ATP6V1E2: variants seen among roughly 807,000 people sequenced by gnomAD.
ATP6V1E2 encodes the protein V-type proton ATPase subunit E 2.
For missense variants in ATP6V1E2, 308 were observed against 273.3 expected (o/e 1.13, Z -0.90); for synonymous variants, 121 against 104.2 (o/e 1.16, Z -0.98).
rs1687479763 is a variant in ATP6V1E2 at position 46,512,047 on chromosome 2, C to T, written c.665G>A (p.Arg222Lys). The T allele has an allele frequency of 6.3e-7, 1 of 1,596,712 alleles. No homozygotes were observed. The highest frequency in any genetic ancestry group is 2.2e-5 in the East Asian group (1 of 44,764). ...CCCAGAGGCTTATATAAAGAACTTT[C>T]TGTTGGTGTTAGCACCAAACAAGGC... ...RMALFGANTN[R>K]KFFI Residue 222 changes from arginine (R) to lysine (K), a missense_variant, in exon 5 of 5, where the codon AGA (arginine) becomes AAA (lysine). Coordinates refer to ENST00000522587, the MANE Select transcript of ATP6V1E2 (RefSeq NM_001318063.2).
At chr2:46,532,194 T>A (rs1158167984) in intron 4 of ATP6V1E2, among the ~76,000 whole-genome samples, 1 of 152,182 alleles carries the variant, frequency 6.6e-6, no homozygotes, top group Non-Finnish European at 1.5e-5. Flanking sequence ...CTGTATATGT[T>A]GAGAGGGAAA....
At chr2:46,526,564 G>C (rs1229467881) in intron 4 of ATP6V1E2, among the ~76,000 whole-genome samples, 1 of 152,074 alleles carries the variant, frequency 6.6e-6, no homozygotes, top group Non-Finnish European at 1.5e-5. Context: ...GTAACTGTTG[G>C]CAACCACCAT....
rs1338790132 is a variant in ATP6V1E2, at chr2:46,535,013, T to C, written c.-102+800A>G. 1 of 152,240 alleles carries C rather than the reference T, an allele frequency of 6.6e-6. No individual in the cohort carries two copies. Among genetic ancestry groups the C allele is most frequent in the African/African-American group, 2.4e-5 (1 of 41,460 alleles). 9.4% of individuals were successfully genotyped at this position (152,240 alleles called of 1,614,324 possible). A position where few individuals can be genotyped will look rare whatever the true frequency, so the allele number is the denominator to read the frequency against. ...TTATATTCTCTCCTTTCTGATACTC[T>C]GCCTTGAAAAGTCTGCTCAACTATC... On this transcript the variant is annotated intron_variant, in intron 4 of 4. Transcript: ENST00000522587. The surrounding 1 kb of genome is among the most constrained non-coding windows in gnomAD (Gnocchi z 4.4).
chr2:46,523,609 T>C (rs964890878), intron 4 of ATP6V1E2, among the ~76,000 whole-genome samples: 1 of 152,138 alleles, frequency 6.6e-6, no homozygotes, highest in African/African-American at 2.4e-5. Context: ...TTGGTACCAG[T>C]ACCATGCCGT....
At chr2:46,518,526 A>G (rs73927874) in intron 4 of ATP6V1E2, among the ~76,000 whole-genome samples, 4 of 90,640 alleles carry the variant, frequency 4.4e-5, no homozygotes, top group Admixed American at 1.2e-4. Flanking sequence ...CACACACACA[A>G]ATGCTATCCC....
At chr2:46,524,130 G>A (rs982914968) in intron 4 of ATP6V1E2, among the ~76,000 whole-genome samples, 2 of 151,054 alleles carry the variant, frequency 1.3e-5, no homozygotes, top group African/African-American at 5.0e-5. Flanking sequence ...AAGTTTTTGG[G>A]CTGAGATGAT....
At chr2:46,524,369 G>A (rs1364476344) in intron 4 of ATP6V1E2, among the ~76,000 whole-genome samples, 1 of 152,170 alleles carries the variant, frequency 6.6e-6, no homozygotes, top group Non-Finnish European at 1.5e-5. Flanking sequence ...AAGAAAATGA[G>A]GTTTCAGGGC....
At chr2:46,519,813 C>T (rs1666514919) in intron 4 of ATP6V1E2, 1 of 152,186 alleles carries the variant, frequency 6.6e-6, no homozygotes, top group Non-Finnish European at 1.5e-5. Context: ...CTGATTTAGG[C>T]CTCACTCTTC....
chr2:46,536,940 G>A (rs968627041), intron 2 of ATP6V1E2, among the ~76,000 whole-genome samples: 5 of 152,114 alleles, frequency 3.3e-5, no homozygotes, highest in Non-Finnish European at 5.9e-5. Context: ...CCGCCACCAC[G>A]CCTGGCTAAT....
Position 46,512,437 on chromosome 2 carries a change from G to C in ATP6V1E2, c.275C>G (p.Ser92Ter), listed in dbSNP as rs893155250. 3.1e-6 allele frequency: 5 copies of C among 1,614,054 alleles called. No homozygotes were observed. The African/African-American group carries it at 5.3e-5, about 17-fold the overall frequency. ...CAGCTTCGCCTCACTGAGCAAATCT[G>C]AGATGAGGTCATTTCGGGCTCTCAG... is the stretch of plus-strand genomic sequence containing the variant. ...KVLRARNDLI[S>*]DLLSEAKLRL... is the part of the protein sequence containing the mutation. The change falls in exon 5 of 5, where the codon TCA becomes TGA. Residue 92 changes from serine to a stop codon, truncating the protein, a stop_gained. Coordinates refer to ENST00000522587, the MANE Select transcript of ATP6V1E2 (RefSeq NM_001318063.2). LOFTEE classifies it low-confidence loss of function (END_TRUNC).
intron 4 of ATP6V1E2, among the ~76,000 whole-genome samples, chr2:46,525,606 G>T (rs1461094017): frequency 6.6e-6 from 1 of 152,108 alleles, no homozygotes; most frequent in African/African-American, 2.4e-5. Flanking sequence ...AATCAGAAGG[G>T]CCTGAAAAGC....
chr2:46,540,447 A>AAAAG (rs1553417187), intron 2 of ATP6V1E2, among the ~76,000 whole-genome samples: 1 of 150,472 alleles, frequency 6.6e-6, no homozygotes, highest in Admixed American at 6.6e-5. Context: ...AAAAAAAAAA[A>AAAAG]AAAGAAAGAA....
rs745923418 is a variant in ATP6V1E2, at chr2:46,512,658, G to A, written c.54C>T (p.Phe18=). The part of the protein sequence containing the change: ...VKKQIKHMMA[F]IEQEANEKAE... Reference sequence around the variant, plus strand: ...CTTTCTCATTGGCTTCCTGCTCAATGAAAGCCATCATGTGCTTAATCTGCT... The same window carrying A: ...CTTTCTCATTGGCTTCCTGCTCAATAAAAGCCATCATGTGCTTAATCTGCT... Residue 18 remains phenylalanine (F), a synonymous_variant, in exon 5 of 5, where the codon TTC becomes TTT. Transcript: ENST00000522587. 16 of 1,614,170 alleles carry A rather than the reference G, an allele frequency of 9.9e-6. No homozygotes were observed. The South Asian group carries it at 1.3e-4, about 13-fold the overall frequency.
intron 4 of ATP6V1E2, among the ~76,000 whole-genome samples, chr2:46,518,757 T>TG (rs1666439776): frequency 3.2e-5 from 4 of 123,780 alleles, no homozygotes; most frequent in South Asian, 3.3e-4. Context: ...ACAAGTCAAT[T>TG]TTGTGTGTGT....
Position 46,535,155 on chromosome 2 carries a change from A to G in ATP6V1E2, c.-102+658T>C, listed in dbSNP as rs1027890547. The G allele has an allele frequency of 1.3e-5, 2 of 152,128 alleles. No homozygotes were observed. Among genetic ancestry groups the G allele is most frequent in the Admixed American group, 6.5e-5 (1 of 15,278 alleles). The allele number at this position is 152,128 out of a possible 1,614,324, so 9.4% of individuals were successfully genotyped here. On this transcript the variant is annotated intron_variant, in intron 4 of 4. Coordinates refer to ENST00000522587, the MANE Select transcript of ATP6V1E2 (RefSeq NM_001318063.2). The surrounding 1 kb of genome is among the most constrained non-coding windows in gnomAD (Gnocchi z 4.4). ...ATAGGGTTTGCCCCATTTGTTCCCT[A>G]CTTTCAGGAATCACGGTGCTGTGCT...
chr2:46,515,208 A>C (rs1687659742), intron 4 of ATP6V1E2, among the ~76,000 whole-genome samples: 1 of 152,218 alleles, frequency 6.6e-6, no homozygotes, highest in South Asian at 2.1e-4. Context: ...AAAGATAAAG[A>C]TATTGGCAAA....
At chr2:46,540,811 C>G (rs1173864969) in intron 2 of ATP6V1E2, among the ~76,000 whole-genome samples, 1 of 152,040 alleles carries the variant, frequency 6.6e-6, no homozygotes, top group Admixed American at 6.5e-5. Flanking sequence ...CTAAGTATTC[C>G]TGGCAGTCAG....
intron 2 of ATP6V1E2, among the ~76,000 whole-genome samples, chr2:46,539,460 G>A (rs1210862821): frequency 4.6e-5 from 7 of 152,224 alleles, no homozygotes; most frequent in South Asian, 2.1e-4. Context: ...TGCAATGAAC[G>A]CAGCCTTGAG....
chr2:46,532,047 C>A (rs1267118699), intron 4 of ATP6V1E2, among the ~76,000 whole-genome samples: 1 of 152,132 alleles, frequency 6.6e-6, no homozygotes, highest in East Asian at 1.9e-4. Flanking sequence ...TTTATGAAGT[C>A]CAGTTTTGGT....
Sources: allele counts gnomAD v4.1 joint callset (sites outside exome capture counted in the v4.1 genomes callset), GRCh38; gene constraint gnomAD v4.1.1; non-coding constraint Gnocchi (gnomAD v3.1); transcripts MANE v1.5; gene names NCBI Gene and HGNC (gene_info 2026-07-23, HGNC 2026-07-21).